DCAF6: variants seen among roughly 807,000 people sequenced by gnomAD.
DCAF6 encodes the protein DDB1 and CUL4 associated factor 6, also known as DDB1- and CUL4-associated factor 6.
A neutral mutation model predicts 125.1 loss-of-function variants in DCAF6; 54 were observed. The ratio of observed to expected loss-of-function variants is 0.43; its 90% confidence interval spans 0.35 to 0.54. The LOEUF (loss-of-function observed/expected upper bound fraction) is 0.54. DCAF6 is among the 20% of genes least tolerant of loss of function. DCAF6 has a pLI of 0.01. For missense variants in DCAF6, 934 were observed against 1,161.7 expected (o/e 0.80, Z 2.85); for synonymous variants, 371 against 390.4 (o/e 0.95, Z 0.58).
the DCAF6 span, chr1:167,924,640 C>G: frequency 1.3e-6 from 1 of 789,652 alleles, no homozygotes. Flanking sequence ...ATTTATCAAC[C>G]TATTTTTAAC....
chr1:167,892,764 G>A, the DCAF6 span, among the ~76,000 whole-genome samples: 6 of 152,276 alleles, frequency 3.9e-5, no homozygotes, highest in African/African-American at 1.4e-4. Context: ...TTGTTACAAA[G>A]ATTTCCTCCA....
chr1:168,030,107 A>G (rs961840498), intron 12 of DCAF6, among the ~76,000 whole-genome samples: 1 of 152,164 alleles, frequency 6.6e-6, no homozygotes, highest in African/African-American at 2.4e-5. Context: ...TGCCTGATCT[A>G]ACAGTAAAGA....
In DCAF6 at chr1:168,045,087, T is replaced by G; in HGVS notation, c.2118T>G (p.Pro706=). The G allele has an allele frequency of 1.9e-6, 3 of 1,613,946 alleles. No individual in the cohort carries two copies. The highest frequency in any genetic ancestry group is 2.5e-6 in the Non-Finnish European group (3 of 1,179,932). Residue 706 remains proline (P), a synonymous_variant, in exon 16 of 22, where the codon CCT becomes CCG. Transcript: ENST00000367840. The part of the protein sequence containing the change: ...ATNENNTNPE[P]QFQTEATGPS... ...ATGAAAATAACACCAATCCTGAGCC[T>G]CAGTTCCAAACAGAAGCCACTGGGC...
the DCAF6 span, among the ~76,000 whole-genome samples, chr1:167,896,314 C>T: frequency 7.9e-5 from 12 of 152,082 alleles, no homozygotes; most frequent in East Asian, 1.3e-3. Flanking sequence ...GAAAGCAGCA[C>T]GGAAAGAAGC....
chr1:167,952,229 CT>C (rs35151685), intron 2 of DCAF6, among the ~76,000 whole-genome samples: 138 of 151,994 alleles, frequency 9.1e-4, no homozygotes, highest in African/African-American at 3.1e-3. Context: ...GAGACAGAGT[CT>C]TGCTCTGTTG....
At chr1:167,936,500 T>G (rs559525525), upstream of DCAF6, 7 of 209,850 alleles carry the variant, frequency 3.3e-5, no homozygotes, top group South Asian at 4.7e-4. Context: ...CCCGAATGCA[T>G]TCTTCCAGGG....
intron 1 of DCAF6, among the ~76,000 whole-genome samples, chr1:167,938,056 T>A (rs958091249): frequency 2.6e-5 from 4 of 152,240 alleles, no homozygotes; most frequent in Admixed American, 6.5e-5. Flanking sequence ...TGCAATTTTT[T>A]AATTCTTTTT....
Position 168,050,475 on chromosome 1 carries a change from T to C in DCAF6, c.2259-417T>C, listed in dbSNP as rs145520499. ...CCTGTTATTCTTTGCTCATTTGTTA[T>C]ATAGTCTTGTGGTTAGGCCAAGTGA... is the stretch of plus-strand genomic sequence containing the variant. On this transcript the variant is annotated intron_variant, in intron 16 of 21. Transcript: ENST00000367840. Among the ~76,000 whole-genome samples, 607 of 152,344 alleles carry C rather than the reference T, an allele frequency of 4.0e-3. 18 individuals are homozygous for C. Among genetic ancestry groups the C allele is most frequent in the Admixed American group, 0.037 (564 of 15,302 alleles).
In DCAF6 at chr1:168,068,412, C is replaced by A; in HGVS notation, c.2740C>A (p.Pro914Thr). Residue 914 changes from proline to threonine, a missense_variant, in exon 21 of 22, where the codon CCA (proline) becomes ACA (threonine). This residue lies in a region of DCAF6 where 27 missense variants were observed against 85.1 expected (regional missense o/e 0.32). Transcript: ENST00000367840. ...LEETRNTITV[P>T]ASFMLRMLAS... ...AGAAACTAGAAACACCATTACAGTT[C>A]CAGCCTCTTTCATGTTGAGGATGTT... is the stretch of plus-strand genomic sequence containing the variant. 6.3e-7 allele frequency: 1 copy of A among 1,583,032 alleles called. No individual in the cohort carries two copies. Among genetic ancestry groups the A allele is most frequent in the South Asian group, 1.2e-5 (1 of 86,538 alleles).
chr1:167,993,481 G>T, intron 7 of DCAF6, 41 bp downstream of exon 7: 1 of 1,552,928 alleles, frequency 6.4e-7, no homozygotes, highest in South Asian at 1.1e-5. Flanking sequence ...CGGGCGCGGT[G>T]GCTCACGCCT....
chr1:168,054,789 T>C (rs1377545696), intron 17 of DCAF6, among the ~76,000 whole-genome samples: 1 of 151,590 alleles, frequency 6.6e-6, no homozygotes, highest in Non-Finnish European at 1.5e-5. Flanking sequence ...AATGTATACA[T>C]AGTATAAATT....
the DCAF6 span, among the ~76,000 whole-genome samples, chr1:167,872,085 T>G: frequency 6.6e-6 from 1 of 152,148 alleles, no homozygotes; most frequent in African/African-American, 2.4e-5. Context: ...CTCACGCCTG[T>G]AATCCCAGCA....
intron 18 of DCAF6, among the ~76,000 whole-genome samples, chr1:168,064,372 C>G (rs1692064613): frequency 6.6e-6 from 1 of 152,132 alleles, no homozygotes; most frequent in Non-Finnish European, 1.5e-5. Flanking sequence ...AACTGTTACT[C>G]TGATCCCTTC....
In DCAF6 at chr1:167,955,168, T is replaced by G. The variant is rs74997562; in HGVS notation, c.159+3307T>G. ...ATGGATAAATCATAATGTTTATCTC[T>G]GTTCACCTGTCAGTGGACATTGGGT... On this transcript the variant is annotated intron_variant, in intron 2 of 21. Transcript: ENST00000367840. Among the ~76,000 whole-genome samples, 721 of 152,382 alleles carry G rather than the reference T, an allele frequency of 4.7e-3. 9 individuals are homozygous for G. Among genetic ancestry groups the G allele is most frequent in the African/African-American group, 0.016 (683 of 41,596 alleles).
At chr1:168,028,484 A>G (rs998926308) in intron 12 of DCAF6, among the ~76,000 whole-genome samples, 7 of 152,192 alleles carry the variant, frequency 4.6e-5, no homozygotes, top group Admixed American at 3.9e-4. Context: ...GTCTGTAGGC[A>G]GTTGTGCATC....
At chr1:167,901,825 G>A in the DCAF6 span, 41 of 1,613,962 alleles carry the variant, frequency 2.5e-5, no homozygotes, top group Admixed American at 1.0e-4. Context: ...GAGACATGCC[G>A]CGGGCTTTTG....
chr1:168,057,288 T>C (rs1316702344), intron 17 of DCAF6, among the ~76,000 whole-genome samples: 2 of 152,202 alleles, frequency 1.3e-5, no homozygotes, highest in Non-Finnish European at 2.9e-5. Context: ...GCCTAGTTTT[T>C]TACTAAATGT....
intron 10 of DCAF6, among the ~76,000 whole-genome samples, chr1:168,009,093 G>A (rs914297877): frequency 6.7e-6 from 1 of 150,244 alleles, no homozygotes; most frequent in Middle Eastern, 3.2e-3. Flanking sequence ...CTGCCTCCTG[G>A]GTTCACGCCA....
chr1:168,058,328 A>ATTCC (rs1159464218), intron 17 of DCAF6, among the ~76,000 whole-genome samples: 2 of 152,246 alleles, frequency 1.3e-5, no homozygotes, highest in African/African-American at 4.8e-5. Context: ...ATACCAAGGA[A>ATTCC]TGGACCATTT....
Sources: gnomAD v4.1 joint callset for allele counts (sites outside exome capture counted in the v4.1 genomes callset) on GRCh38, gnomAD v4.1.1 for gene constraint, gnomAD v4.1.1 regional missense constraint, MANE v1.5 for transcripts, NCBI Gene and HGNC (gene_info 2026-07-23, HGNC 2026-07-21) for gene names.